ABLIM2: variants seen among roughly 807,000 people sequenced by gnomAD.
ABLIM2 encodes the protein actin binding LIM protein family member 2.
In ABLIM2, 53 loss-of-function variants were observed where a neutral mutation model predicts 97.7. That is an observed-to-expected ratio of 0.54 (90% CI 0.44 to 0.68). The LOEUF is 0.68. ABLIM2 is among the 30% of genes least tolerant of loss of function. The probability of loss-of-function intolerance (pLI) is 0.00; values close to 1 mark genes in which losing one functional copy is unlikely to be tolerated. For synonymous variants in ABLIM2, 361 were observed against 345.8 expected, an observed-to-expected ratio of 1.04 and a Z score of -0.49; for missense variants, 835 against 867.2, an observed-to-expected ratio of 0.96 and a Z score of 0.47.
Position 7,966,935 on chromosome 4 carries a change from CA to C in ABLIM2, c.*54del. ...TGGGAGGGGTGTGTGCGGTTCTCGC[CA>C]GGGGCCCCTGGCCTCGGCGCCCGGC... On this transcript the variant is annotated 3_prime_UTR_variant, in exon 21 of 21. Transcript: ENST00000447017. 1.3e-5 allele frequency: 15 copies of C among 1,177,848 alleles called. No individual in the cohort carries two copies. The highest frequency in any genetic ancestry group is 1.6e-5 in the Non-Finnish European group (14 of 861,248). 73.0% of individuals were successfully genotyped at this position (1,177,848 alleles called of 1,614,324 possible).
intron 16 of ABLIM2, among the ~76,000 whole-genome samples, chr4:8,006,626 G>A (rs908586907): frequency 1.3e-5 from 2 of 152,246 alleles, no homozygotes; most frequent in African/African-American, 4.8e-5. Context: ...GTGCAGGGCA[G>A]ATGGGCCATG....
At chr4:8,115,943 C>T (rs190658534) in intron 1 of ABLIM2, among the ~76,000 whole-genome samples, 45 of 152,322 alleles carry the variant, frequency 3.0e-4, no homozygotes, top group Non-Finnish European at 5.6e-4. Context: ...GCTGTGACCA[C>T]GCATGGAGCC....
chr4:8,149,674 A>G lies in ABLIM2; in HGVS notation c.10+9006T>C, dbSNP rs778987465. On this transcript the variant is annotated intron_variant, in intron 1 of 20. Coordinates refer to ENST00000447017, the MANE Select transcript of ABLIM2 (RefSeq NM_001130083.2). The surrounding 1 kb of genome is among the most constrained non-coding windows in gnomAD (Gnocchi z 6.4). ...GGGGATCAGGGCAAAGACAGCACAT[A>G]GTAGGTGCTTAATAAATAGTCGTGG... is the stretch of plus-strand genomic sequence containing the variant. 3.9e-5 allele frequency among the ~76,000 whole-genome samples: 6 copies of G among 151,958 alleles called. No homozygotes were observed. Among genetic ancestry groups the G allele is most frequent in the Admixed American group, 6.6e-5 (1 of 15,250 alleles).
chr4:8,131,623 TGCATCCCTGAGCACAGCAGCCC>T lies in ABLIM2; in HGVS notation c.11-25008_11-24987del, dbSNP rs1372209470. ...CTCTGCTGGCCTGGGCACAGAAGCC[TGCATCCCTGAGCACAGCAGCCC>T]GCATCCCCAGCACAGCATCCCGCAT... On this transcript the variant is annotated intron_variant, in intron 1 of 20. Transcript: ENST00000447017. Among the ~76,000 whole-genome samples, 311 of 150,120 alleles carry T rather than the reference TGCATCCCTGAGCACAGCAGCCC, an allele frequency of 2.1e-3. 3 individuals carry two copies. Among genetic ancestry groups the T allele is most frequent in the African/African-American group, 6.7e-3 (274 of 40,604 alleles).
chr4:7,982,964 A>G (rs1262702626), intron 20 of ABLIM2, among the ~76,000 whole-genome samples: 1 of 152,176 alleles, frequency 6.6e-6, no homozygotes, highest in Non-Finnish European at 1.5e-5. Context: ...CAGCCTCCCA[A>G]AGTGCTGGGA....
At chr4:8,107,175 G>A (rs1037443669) in intron 1 of ABLIM2, among the ~76,000 whole-genome samples, 33 of 152,186 alleles carry the variant, frequency 2.2e-4, no homozygotes, top group Admixed American at 1.1e-3. Context: ...ATATTGCTGC[G>A]GTCCCCTTAA....
At position 8,135,024 on chromosome 4, in the gene ABLIM2, C is replaced by G. The variant is rs191697060; in HGVS notation, c.10+23656G>C. Among the ~76,000 whole-genome samples, 110 of 152,350 alleles carry G rather than the reference C, an allele frequency of 7.2e-4. 1 individual carries two copies. The highest frequency in any genetic ancestry group is 3.4e-3 in the Middle Eastern group (1 of 294). On this transcript the variant is annotated intron_variant, in intron 1 of 20. Coordinates refer to ENST00000447017, the MANE Select transcript of ABLIM2 (RefSeq NM_001130083.2). ...GGACCCAGCGTCACCGAGGCAGGCC[C>G]TTGTCCAAAATGCTCAGCCAAACCC...
At chr4:8,097,029 A>AAGGG in intron 3 of ABLIM2, 70 bp downstream of exon 3, 2 of 1,497,662 alleles carry the variant, frequency 1.3e-6, no homozygotes, top group Non-Finnish European at 1.8e-6. Context: ...GGAAGAAGGG[A>AAGGG]AGGGAGGGAG....
intron 6 of ABLIM2, among the ~76,000 whole-genome samples, chr4:8,074,871 C>T (rs1814956617): frequency 6.6e-6 from 1 of 151,184 alleles, no homozygotes; most frequent in African/African-American, 2.4e-5. Flanking sequence ...ACCTCCACCT[C>T]CTGGTCCTGG....
At chr4:8,121,801 G>A (rs1053090719) in intron 1 of ABLIM2, among the ~76,000 whole-genome samples, 1 of 152,244 alleles carries the variant, frequency 6.6e-6, no homozygotes, top group Non-Finnish European at 1.5e-5. Context: ...CAGTGGATGG[G>A]GGGGTGATGA....
At chr4:8,107,186 A>T (rs545275823) in intron 1 of ABLIM2, among the ~76,000 whole-genome samples, 1 of 152,314 alleles carries the variant, frequency 6.6e-6, no homozygotes, top group African/African-American at 2.4e-5. Context: ...GTCCCCTTAA[A>T]TCTCCCTTAA....
At chr4:8,063,564 AGGT>A (rs1442319616) in intron 6 of ABLIM2, among the ~76,000 whole-genome samples, 1 of 152,256 alleles carries the variant, frequency 6.6e-6, no homozygotes, top group African/African-American at 2.4e-5. Context: ...ACACAGCAGC[AGGT>A]GGTAGAGCTG....
intron 8 of ABLIM2, among the ~76,000 whole-genome samples, chr4:8,048,787 T>G (rs1328957770): frequency 2.0e-5 from 3 of 152,002 alleles, no homozygotes; most frequent in Non-Finnish European, 2.9e-5. Context: ...ACCCACAACC[T>G]ACAGGACCAG....
In ABLIM2 at chr4:8,071,693, A is replaced by ACCCCCCCCCCCC; in HGVS notation, c.675+5934_675+5935insGGGGGGGGGGGG. 2.4e-6 allele frequency: 2 copies of ACCCCCCCCCCCC among 819,832 alleles called. No homozygotes were observed. Among genetic ancestry groups the ACCCCCCCCCCCC allele is most frequent in the Non-Finnish European group, 2.9e-6 (2 of 679,294 alleles). 50.8% of individuals were successfully genotyped at this position (819,832 alleles called of 1,614,324 possible). On this transcript the variant is annotated intron_variant, in intron 6 of 20. Coordinates refer to ENST00000447017, the MANE Select transcript of ABLIM2 (RefSeq NM_001130083.2). This position sits in a 1 kb window ranked among gnomAD's most constrained non-coding sequence, Gnocchi z 6.2. ...ACACCTGACTGCTCTGTCCCCAAAA[A>ACCCCCCCCCCCC]CCCACCCACCCGCAGCCCCTCCTGG...
intron 20 of ABLIM2, among the ~76,000 whole-genome samples, chr4:7,981,409 T>C (rs1227928921): frequency 6.6e-6 from 1 of 152,194 alleles, no homozygotes; most frequent in East Asian, 1.9e-4. Flanking sequence ...AATGTGTACC[T>C]TACATGTATT....
At chr4:8,063,261 T>C (rs1177002118) in intron 6 of ABLIM2, among the ~76,000 whole-genome samples, 1 of 152,252 alleles carries the variant, frequency 6.6e-6, no homozygotes, top group Non-Finnish European at 1.5e-5. Context: ...AGATGGGGTT[T>C]CACCATTGTT....
At chr4:7,974,534 T>C (rs1209314307) in intron 20 of ABLIM2, among the ~76,000 whole-genome samples, 1 of 144,058 alleles carries the variant, frequency 6.9e-6, no homozygotes, top group African/African-American at 2.6e-5. Flanking sequence ...CATGCATTAA[T>C]CCACCCATCA....
chr4:7,973,560 G>A (rs1730047923), intron 20 of ABLIM2, among the ~76,000 whole-genome samples: 1 of 152,084 alleles, frequency 6.6e-6, no homozygotes, highest in South Asian at 2.1e-4. Flanking sequence ...AGCCGGGAAA[G>A]GTGAGGACAG....
At chr4:8,153,118 C>T (rs1277441121) in intron 1 of ABLIM2, among the ~76,000 whole-genome samples, 1 of 152,152 alleles carries the variant, frequency 6.6e-6, no homozygotes, top group Admixed American at 6.5e-5. Flanking sequence ...GCTTAAAGGG[C>T]CAGCGACAAG....
Sources: allele counts gnomAD v4.1 joint callset (sites outside exome capture counted in the v4.1 genomes callset), GRCh38; gene constraint gnomAD v4.1.1; non-coding constraint Gnocchi (gnomAD v3.1); transcripts MANE v1.5; gene names NCBI Gene and HGNC (gene_info 2026-07-23, HGNC 2026-07-21).